Variants in FHIT observed in about 807,000 individuals in gnomAD.
FHIT encodes fragile histidine triad diadenosine triphosphatase.
In FHIT, 19 loss-of-function variants were observed where a neutral mutation model predicts 17.9. That is an observed-to-expected ratio of 1.06 (90% CI 0.74 to 1.56). The LOEUF (loss-of-function observed/expected upper bound fraction) is 1.56. Ranked by LOEUF, FHIT falls within the 40% of genes most tolerant of loss-of-function variation. FHIT has a pLI of 0.00. For synonymous variants in FHIT, 81 were observed against 69.7 expected (o/e 1.16, Z -0.81); for missense variants, 248 against 189.2 (o/e 1.31, Z -1.82).
At chr3:60,570,769 C>G (rs1045579418) in intron 4 of FHIT, among the ~76,000 whole-genome samples, 4 of 144,210 alleles carry the variant, frequency 2.8e-5, no homozygotes, top group Non-Finnish European at 6.0e-5. Flanking sequence ...TCTCAAGAGC[C>G]TAGCGCATGT....
At chr3:60,013,919 C>T (rs886946066) in intron 6 of FHIT, 88 bp downstream of exon 6, 5 of 1,308,586 alleles carry the variant, frequency 3.8e-6, no homozygotes, top group Non-Finnish European at 5.4e-6. Context: ...ATCACATCTG[C>T]CCTCCTGGTA....
chr3:60,443,685 T>A (rs1007731598), intron 5 of FHIT, among the ~76,000 whole-genome samples: 2 of 152,146 alleles, frequency 1.3e-5, no homozygotes, highest in Non-Finnish European at 2.9e-5. Flanking sequence ...CAGTATTTTA[T>A]TGAGGATTTT....
intron 1 of FHIT, among the ~76,000 whole-genome samples, chr3:61,224,475 G>C (rs915389494): frequency 3.3e-5 from 5 of 152,088 alleles, no homozygotes; most frequent in Non-Finnish European, 7.4e-5. Flanking sequence ...GGAATGCAAC[G>C]ATATGATCTC....
chr3:60,413,391 A>C (rs962641859), intron 5 of FHIT, among the ~76,000 whole-genome samples: 1 of 152,166 alleles, frequency 6.6e-6, no homozygotes, highest in Middle Eastern at 3.2e-3. Flanking sequence ...AGAACCATGC[A>C]ACGACTTCCC....
intron 7 of FHIT, among the ~76,000 whole-genome samples, chr3:59,950,718 A>G (rs1707075405): frequency 6.6e-6 from 1 of 152,188 alleles, no homozygotes; most frequent in African/African-American, 2.4e-5. Context: ...GGAAATGTAC[A>G]TTATGTTCTC....
chr3:60,156,734 G>A (rs1187422894), intron 5 of FHIT, among the ~76,000 whole-genome samples: 2 of 152,190 alleles, frequency 1.3e-5, no homozygotes, highest in Non-Finnish European at 2.9e-5. Flanking sequence ...CTGGGCAATG[G>A]AGTGAGACCC....
intron 8 of FHIT, among the ~76,000 whole-genome samples, chr3:59,795,437 G>T (rs906333735): frequency 6.6e-6 from 1 of 151,814 alleles, no homozygotes; most frequent in East Asian, 1.9e-4. Flanking sequence ...ATAAAATAAG[G>T]CTGTATTCAT....
intron 5 of FHIT, among the ~76,000 whole-genome samples, chr3:60,154,553 C>T (rs549829510): frequency 6.6e-6 from 1 of 152,252 alleles, no homozygotes; most frequent in African/African-American, 2.4e-5. Flanking sequence ...ATTCTGTTTC[C>T]AATTAATGCA....
At chr3:60,188,359 T>C (rs970905867) in intron 5 of FHIT, among the ~76,000 whole-genome samples, 22 of 152,260 alleles carry the variant, frequency 1.4e-4, no homozygotes, top group African/African-American at 5.3e-4. Flanking sequence ...CCGTAGATGC[T>C]GACATGCTTC....
rs144092419 is a variant in FHIT at position 60,940,193 on chromosome 3, A to G, written c.-111+101854T>C. Reference sequence around the variant, plus strand: ...CTCCTTTAATCTGCTCCATCTTCCCATTGTAAAATAAATATTGGTTTTAAA... The same window carrying G: ...CTCCTTTAATCTGCTCCATCTTCCCGTTGTAAAATAAATATTGGTTTTAAA... On this transcript the variant is annotated intron_variant, in intron 3 of 9. Transcript: ENST00000492590. 2.6e-4 allele frequency among the ~76,000 whole-genome samples: 40 copies of G among 152,266 alleles called. No individual in the cohort carries two copies. In the East Asian group the frequency reaches 7.3e-3, roughly 28 times the overall value.
chr3:61,092,836 T>C (rs192048940), intron 2 of FHIT, among the ~76,000 whole-genome samples: 2 of 152,266 alleles, frequency 1.3e-5, no homozygotes, highest in East Asian at 3.9e-4. Flanking sequence ...AAAGCAAGAA[T>C]GTAAGAATAA....
chr3:60,184,004 T>A (rs1202111383), intron 5 of FHIT, among the ~76,000 whole-genome samples: 1 of 151,502 alleles, frequency 6.6e-6, no homozygotes, highest in Non-Finnish European at 1.5e-5. Flanking sequence ...TTTCGTTTTT[T>A]TTTTTGAGTC....
intron 1 of FHIT, among the ~76,000 whole-genome samples, chr3:61,230,971 T>C (rs1480948915): frequency 6.6e-6 from 1 of 152,218 alleles, no homozygotes; most frequent in South Asian, 2.1e-4. Flanking sequence ...TAAGAAGTCA[T>C]CCTTTTAGAA....
At chr3:60,276,246 A>G (rs1287818374) in intron 5 of FHIT, among the ~76,000 whole-genome samples, 6 of 152,124 alleles carry the variant, frequency 3.9e-5, no homozygotes, top group Non-Finnish European at 7.3e-5. Context: ...TCGGCCACCT[A>G]AAGTACTGGG....
chr3:60,172,127 G>A (rs566432705), intron 5 of FHIT, among the ~76,000 whole-genome samples: 3 of 152,252 alleles, frequency 2.0e-5, no homozygotes, highest in South Asian at 2.1e-4. Context: ...AACAAAAGGC[G>A]CATGGCTCTT....
intron 4 of FHIT, among the ~76,000 whole-genome samples, chr3:60,731,320 C>G (rs993089916): frequency 6.6e-6 from 1 of 152,032 alleles, no homozygotes; most frequent in Non-Finnish European, 1.5e-5. Flanking sequence ...GAAGGAGACA[C>G]CAAAGCAAGT....
chr3:60,461,552 AG>A (rs373376987), intron 5 of FHIT, among the ~76,000 whole-genome samples: 102 of 152,354 alleles, frequency 6.7e-4, no homozygotes, highest in African/African-American at 2.3e-3. Context: ...ATGCCGAAGC[AG>A]GATCTTCTCT....
Position 60,503,563 on chromosome 3 carries a change from G to A in FHIT, c.103+33297C>T, listed in dbSNP as rs77547527. Among the ~76,000 whole-genome samples, 1,451 of 152,094 alleles carry A rather than the reference G, an allele frequency of 9.5e-3. 13 individuals carry two copies. Among genetic ancestry groups the A allele is most frequent in the African/African-American group, 0.033 (1,361 of 41,504 alleles). Reference sequence around the variant, plus strand: ...GCACATACATTTTATATTGGTTGTGGCATGACTTCTAATAGTGAAAGTTAT... The same window carrying A: ...GCACATACATTTTATATTGGTTGTGACATGACTTCTAATAGTGAAAGTTAT... On this transcript the variant is annotated intron_variant, in intron 5 of 9. Coordinates refer to ENST00000492590, the MANE Select transcript of FHIT (RefSeq NM_002012.4).
chr3:60,894,128 T>C (rs1297226865), intron 3 of FHIT, among the ~76,000 whole-genome samples: 1 of 152,176 alleles, frequency 6.6e-6, no homozygotes, highest in Non-Finnish European at 1.5e-5. Flanking sequence ...TGCTTTTGTT[T>C]GATTTGGTTT....
Sources: allele counts gnomAD v4.1 joint callset (sites outside exome capture counted in the v4.1 genomes callset), GRCh38; gene constraint gnomAD v4.1.1; transcripts MANE v1.5; gene names NCBI Gene and HGNC (gene_info 2026-07-23, HGNC 2026-07-21).